Variants in PLA2R1 observed in about 807,000 individuals in gnomAD.
PLA2R1 encodes the protein secretory phospholipase A2 receptor.
Under a neutral mutation model 195.9 loss-of-function variants are expected in PLA2R1, and 158 were observed. The ratio of observed to expected loss-of-function variants is 0.81; its 90% CI spans 0.71 to 0.92. The LOEUF is 0.92. PLA2R1 is among the 40% of genes least tolerant of loss of function. The pLI is 0.00. For missense variants in PLA2R1, 1,626 were observed against 1,764.6 expected, an observed-to-expected ratio of 0.92 and a Z score of 1.41; for synonymous variants, 586 against 598.2, an observed-to-expected ratio of 0.98 and a Z score of 0.30.
intron 8 of PLA2R1, among the ~76,000 whole-genome samples, chr2:160,017,774 G>T (rs1411997990): frequency 6.6e-6 from 1 of 152,084 alleles, no homozygotes; most frequent in African/African-American, 2.4e-5. Context: ...CAAATTCCAG[G>T]TGGTATTTCA....
intron 3 of PLA2R1, among the ~76,000 whole-genome samples, chr2:160,041,145 ACTT>A (rs1694495215): frequency 6.6e-6 from 1 of 152,200 alleles, no homozygotes; most frequent in Non-Finnish European, 1.5e-5. Flanking sequence ...TTCTACAGAT[ACTT>A]TATAAGTCAG....
chr2:160,055,138 A>AC (rs1695454356), intron 1 of PLA2R1, among the ~76,000 whole-genome samples: 2 of 152,252 alleles, frequency 1.3e-5, no homozygotes, highest in Non-Finnish European at 2.9e-5. Context: ...GAAAAGAGTT[A>AC]GAGGCTTAAC....
At chr2:160,006,185 C>T (rs1365273530) in intron 10 of PLA2R1, among the ~76,000 whole-genome samples, 1 of 152,148 alleles carries the variant, frequency 6.6e-6, no homozygotes, top group Non-Finnish European at 1.5e-5. Flanking sequence ...CCACACACAC[C>T]ATGCCACAAT....
chr2:159,962,020 CAA>C (rs1473217537), intron 20 of PLA2R1, among the ~76,000 whole-genome samples: 1 of 152,036 alleles, frequency 6.6e-6, no homozygotes, highest in Non-Finnish European at 1.5e-5. Flanking sequence ...CAACAAAAGC[CAA>C]AATAGACAAA....
Position 160,062,554 on chromosome 2 carries a change from C to G in PLA2R1, c.-151G>C. ...ACCCCCTCCGGGGGCCTTGCCAGCC[C>G]AGAGCCCTGGAGACCCACTCCGCCA... On this transcript the variant is annotated 5_prime_UTR_variant, in exon 1 of 30. Coordinates refer to ENST00000283243, the MANE Select transcript of PLA2R1 (RefSeq NM_007366.5). The G allele has an allele frequency of 7.4e-7, 1 of 1,351,076 alleles. No homozygotes were observed. The highest frequency in any genetic ancestry group is 3.1e-5 in the East Asian group (1 of 32,510). The allele number at this position is 1,351,076 out of a possible 1,614,324, so 83.7% of individuals were successfully genotyped here. A position where few individuals can be genotyped will look rare whatever the true frequency, so the allele number is the denominator to read the frequency against.
intron 11 of PLA2R1, among the ~76,000 whole-genome samples, chr2:160,003,553 A>G (rs1215715598): frequency 6.6e-6 from 1 of 152,196 alleles, no homozygotes; most frequent in Admixed American, 6.5e-5. Flanking sequence ...AAATTGCTCA[A>G]ATAACTAAAT....
intron 13 of PLA2R1, among the ~76,000 whole-genome samples, chr2:159,981,080 T>A (rs985183742): frequency 6.6e-6 from 1 of 152,214 alleles, no homozygotes; most frequent in Non-Finnish European, 1.5e-5. Flanking sequence ...GTGACCTTTT[T>A]CTTTCCTCAC....
rs960752162 is a variant in PLA2R1 at position 160,045,126 on chromosome 2, ACT to A, written c.139_140del (p.Leu48GlnfsTer8). On this transcript the variant is annotated frameshift_variant, in exon 2 of 30. Transcript: ENST00000283243. LOFTEE classifies it high-confidence loss of function. ...DKGIFVIQSESLKKCIQAGKS... is the reference protein window; with the variant it reads ...DKGIFVIQSEXLKKCIQAGKS... ...TACCTGCTTGAATGCATTTCTTGAG[ACT>A]CTCACTTTGGATAACAAATATTCCT... 3.1e-6 allele frequency: 5 copies of A among 1,604,928 alleles called. No homozygotes were observed. The highest frequency in any genetic ancestry group is 4.3e-6 in the Non-Finnish European group (5 of 1,172,926).
At chr2:160,043,644 T>C (rs1193098870) in intron 2 of PLA2R1, among the ~76,000 whole-genome samples, 2 of 152,170 alleles carry the variant, frequency 1.3e-5, no homozygotes, top group Non-Finnish European at 2.9e-5. Flanking sequence ...CCAAAGCATA[T>C]GTTCCCCAGA....
intron 8 of PLA2R1, among the ~76,000 whole-genome samples, chr2:160,017,622 T>C (rs1208824662): frequency 1.3e-5 from 2 of 152,216 alleles, no homozygotes; most frequent in Non-Finnish European, 2.9e-5. Flanking sequence ...GATACCTTCA[T>C]GTCTTTCTCT....
intron 1 of PLA2R1, among the ~76,000 whole-genome samples, chr2:160,057,576 T>C (rs1464290539): frequency 6.6e-6 from 1 of 152,190 alleles, no homozygotes; most frequent in Non-Finnish European, 1.5e-5. Context: ...GGAAAACAAA[T>C]GTCTTTTTAT....
chr2:160,028,804 G>T, intron 5 of PLA2R1, 46 bp downstream of exon 5: 1 of 1,081,802 alleles, frequency 9.2e-7, no homozygotes, highest in Non-Finnish European at 1.4e-6. Context: ...GTGTAAGGGT[G>T]CAAGATGATG....
At chr2:159,977,515 T>G (rs1180423569) in intron 14 of PLA2R1, 99 bp from the exon 15 acceptor site, 1 of 922,614 alleles carries the variant, frequency 1.1e-6, no homozygotes, top group African/African-American at 1.7e-5. Flanking sequence ...TATAGGCTAC[T>G]CCAGGAAGCT....
chr2:160,059,055 C>T (rs1266092967), intron 1 of PLA2R1, among the ~76,000 whole-genome samples: 1 of 152,142 alleles, frequency 6.6e-6, no homozygotes, highest in Non-Finnish European at 1.5e-5. Flanking sequence ...ATTAGATTAT[C>T]ATAAGGAGCT....
At chr2:160,054,339 G>GATT (rs1363728605) in intron 1 of PLA2R1, among the ~76,000 whole-genome samples, 2 of 152,092 alleles carry the variant, frequency 1.3e-5, no homozygotes, top group Admixed American at 1.3e-4. Flanking sequence ...CCTTGATAGG[G>GATT]ATTATCTCAG....
At chr2:160,061,529 T>G (rs1359524688) in intron 1 of PLA2R1, among the ~76,000 whole-genome samples, 1 of 152,096 alleles carries the variant, frequency 6.6e-6, no homozygotes, top group African/African-American at 2.4e-5. Flanking sequence ...ATCCCAGAAC[T>G]TTGGGAGGAC....
intron 20 of PLA2R1, among the ~76,000 whole-genome samples, chr2:159,963,097 T>C (rs1688561866): frequency 6.6e-6 from 1 of 152,214 alleles, no homozygotes; most frequent in Non-Finnish European, 1.5e-5. Flanking sequence ...GTGTTCATGC[T>C]TTTGGGTTGT....
At chr2:160,056,107 G>A (rs911823641) in intron 1 of PLA2R1, among the ~76,000 whole-genome samples, 2 of 152,022 alleles carry the variant, frequency 1.3e-5, no homozygotes, top group Non-Finnish European at 2.9e-5. Context: ...ACTCTGACTC[G>A]ATGCTTTCCC....
At chr2:159,960,173 C>G (rs887242522) in intron 20 of PLA2R1, among the ~76,000 whole-genome samples, 1 of 152,178 alleles carries the variant, frequency 6.6e-6, no homozygotes, top group Non-Finnish European at 1.5e-5. Context: ...CATACTCCCA[C>G]CTTGCTGCAG....
Sources: gnomAD v4.1 joint callset for allele counts (sites outside exome capture counted in the v4.1 genomes callset) on GRCh38, gnomAD v4.1.1 for gene constraint, MANE v1.5 for transcripts, NCBI Gene and HGNC (gene_info 2026-07-23, HGNC 2026-07-21) for gene names.